The following TDRD9 variants were observed in gnomAD, a reference collection of about 807,000 sequenced individuals.
TDRD9 encodes the protein ATP-dependent RNA helicase TDRD9.
A neutral mutation model predicts 172.6 loss-of-function variants in TDRD9; 124 were observed. The ratio of observed to expected loss-of-function variants is 0.72; its 90% CI spans 0.62 to 0.83. The LOEUF is 0.83. TDRD9 is among the 40% of genes least tolerant of loss of function. The pLI, the probability that TDRD9 is intolerant of heterozygous loss-of-function variation, is 0.00. For missense variants in TDRD9, 1,479 were observed against 1,714.1 expected (o/e 0.86, Z 2.42); for synonymous variants, 619 against 617.1 (o/e 1.00, Z -0.05).
chr14:104,046,177 G>T (rs1050802919), intron 34 of TDRD9, among the ~76,000 whole-genome samples: 3 of 152,142 alleles, frequency 2.0e-5, no homozygotes, highest in African/African-American at 7.2e-5. Flanking sequence ...GAATGATCTC[G>T]ATCTCTTGAC....
At chr14:103,939,733 GAAAAAAA>G (rs2031072481) in intron 1 of TDRD9, 1 of 9,528 alleles carries the variant, frequency 1.0e-4, no homozygotes. Flanking sequence ...TAGTCTTTTT[GAAAAAAA>G]GTGTTTTTTT....
chr14:103,989,064 C>T (rs1457835562), intron 8 of TDRD9, among the ~76,000 whole-genome samples: 1 of 121,972 alleles, frequency 8.2e-6, no homozygotes, highest in African/African-American at 3.2e-5. Context: ...GCTAGATACT[C>T]TCATTTTTTT....
chr14:103,964,990 T>C (rs896374411), intron 3 of TDRD9, among the ~76,000 whole-genome samples: 2 of 151,998 alleles, frequency 1.3e-5, no homozygotes, highest in African/African-American at 2.4e-5. Context: ...GGCGGATCAC[T>C]TGATGTCAGG....
chr14:104,046,191 G>A (rs962613336), intron 34 of TDRD9, among the ~76,000 whole-genome samples: 3 of 152,210 alleles, frequency 2.0e-5, no homozygotes, highest in Non-Finnish European at 4.4e-5. Flanking sequence ...TCTTGACGTC[G>A]TGATCTGCCC....
At chr14:103,930,763 T>TGG (rs2030334743) in intron 1 of TDRD9, among the ~76,000 whole-genome samples, 1 of 152,228 alleles carries the variant, frequency 6.6e-6, no homozygotes, top group Non-Finnish European at 1.5e-5. Context: ...GTCCATCACT[T>TGG]ACTCCTTAGT....
chr14:104,037,147 C>G lies in TDRD9; in HGVS notation c.3716+2091C>G, dbSNP rs2035473983. On this transcript the variant is annotated intron_variant, in intron 32 of 35. Transcript: ENST00000409874. ...TTTCCTTTCACTTTAAATATGCAGT[C>G]TTCTGCAGCGAGCAGGAGGGGGGTC... Among the ~76,000 whole-genome samples the G allele has an allele frequency of 2.0e-5, 3 of 151,950 alleles. No individual in the cohort carries two copies. The South Asian group carries it at 6.2e-4, about 31-fold the overall frequency.
intron 14 of TDRD9, 107 bp from the exon 15 acceptor site, chr14:104,005,167 C>A (rs1323548972): frequency 6.9e-6 from 8 of 1,153,780 alleles, no homozygotes; most frequent in Non-Finnish European, 7.4e-6. Context: ...TCTTTCTTCT[C>A]TCCTCTCCTT....
chr14:104,018,919 C>T (rs559075860), intron 23 of TDRD9, among the ~76,000 whole-genome samples: 15 of 152,236 alleles, frequency 9.9e-5, no homozygotes, highest in East Asian at 3.9e-4. Context: ...TAATTCCCTC[C>T]GGCATTTTAA....
At chr14:104,025,139 G>A (rs1201224069) in intron 25 of TDRD9, among the ~76,000 whole-genome samples, 1 of 152,104 alleles carries the variant, frequency 6.6e-6, no homozygotes, top group Non-Finnish European at 1.5e-5. Context: ...GTGCCACCAT[G>A]CCCGGGTAAT....
intron 13 of TDRD9, among the ~76,000 whole-genome samples, chr14:103,999,381 A>G (rs991992193): frequency 1.3e-5 from 2 of 152,174 alleles, no homozygotes; most frequent in African/African-American, 4.8e-5. Flanking sequence ...ATTTCTGTTT[A>G]ACTTTGATCT....
At chr14:103,978,332 GCACTT>G (rs1287173516) in intron 7 of TDRD9, among the ~76,000 whole-genome samples, 1 of 152,140 alleles carries the variant, frequency 6.6e-6, no homozygotes, top group African/African-American at 2.4e-5. Context: ...TGTAATCTCA[GCACTT>G]TGGGAGGCCA....
rs962450466 is a variant in TDRD9 at position 103,980,380 on chromosome 14, G to A, written c.1011+4827G>A. Among the ~76,000 whole-genome samples, 1 of 152,120 alleles carries A rather than the reference G, an allele frequency of 6.6e-6. No homozygotes were observed. The highest frequency in any genetic ancestry group is 1.5e-5 in the Non-Finnish European group (1 of 68,022). ...TGGGTCACGTGTCGACTGGACAGGG[G>A]GCCCTTCCCTGCCTGGCAGCCAAGG... On this transcript the variant is annotated intron_variant, in intron 7 of 35. Coordinates refer to ENST00000409874, the MANE Select transcript of TDRD9 (RefSeq NM_153046.3). This position sits in a 1 kb window ranked among gnomAD's most constrained non-coding sequence, Gnocchi z 4.5.
intron 1 of TDRD9, among the ~76,000 whole-genome samples, chr14:103,931,954 G>A (rs1051363121): frequency 6.6e-6 from 1 of 152,192 alleles, no homozygotes; most frequent in African/African-American, 2.4e-5. Flanking sequence ...TTGACAGCAG[G>A]TAAGGAAATG....
rs1015973693 is a variant in TDRD9 at position 103,997,486 on chromosome 14, TG to T, written c.1379-1135del. On this transcript the variant is annotated intron_variant, in intron 12 of 35. Transcript: ENST00000409874. This position sits in a 1 kb window ranked among gnomAD's most constrained non-coding sequence, Gnocchi z 5.1. ...GAGCAGGGTGGGGCAGGTGAGGAGC[TG>T]GGATTCGGGCTGAGACGTGCTAGAT... 6.6e-6 allele frequency among the ~76,000 whole-genome samples: 1 copy of T among 152,162 alleles called. No individual in the cohort carries two copies. The highest frequency in any genetic ancestry group is 2.4e-5 in the African/African-American group (1 of 41,518).
At chr14:103,976,038 C>T (rs533630499) in intron 7 of TDRD9, among the ~76,000 whole-genome samples, 1 of 152,012 alleles carries the variant, frequency 6.6e-6, no homozygotes, top group African/African-American at 2.4e-5. Context: ...CTTCCTATTT[C>T]CCCCCCTTCC....
intron 9 of TDRD9, 104 bp from the exon 10 acceptor site, chr14:103,994,228 T>C (rs898865098): frequency 9.5e-6 from 9 of 944,084 alleles, no homozygotes; most frequent in East Asian, 2.4e-5. Flanking sequence ...TCAAATAAAT[T>C]GGTAGGGCCT....
intron 29 of TDRD9, among the ~76,000 whole-genome samples, chr14:104,031,492 T>TA (rs1555375140): frequency 2.6e-4 from 38 of 145,686 alleles, no homozygotes; most frequent in Non-Finnish European, 4.4e-4. Context: ...TTTTTTTTTT[T>TA]AAACCCTCCT....
Position 104,032,099 on chromosome 14 carries a change from T to C in TDRD9, c.3509+12T>C. On this transcript the variant is annotated intron_variant, in intron 30 of 35. Coordinates refer to ENST00000409874, the MANE Select transcript of TDRD9 (RefSeq NM_153046.3). ...ATATCCAAATTCAGGTATGATTAACTTAAGTTTTCCATGAATTTTTTTTCT... is the reference window on the plus strand; with the variant it reads ...ATATCCAAATTCAGGTATGATTAACCTAAGTTTTCCATGAATTTTTTTTCT... 6.6e-7 allele frequency: 1 copy of C among 1,525,584 alleles called. No homozygotes were observed. The highest frequency in any genetic ancestry group is 2.5e-5 in the East Asian group (1 of 40,782). 94.5% of individuals were successfully genotyped at this position (1,525,584 alleles called of 1,614,324 possible).
At chr14:104,041,609 A>T (rs551965164) in intron 33 of TDRD9, among the ~76,000 whole-genome samples, 3 of 152,358 alleles carry the variant, frequency 2.0e-5, no homozygotes, top group African/African-American at 7.2e-5. Context: ...GTCATTAGGA[A>T]AATGCAAATT....
Sources: allele counts gnomAD v4.1 joint callset (sites outside exome capture counted in the v4.1 genomes callset), GRCh38; gene constraint gnomAD v4.1.1; non-coding constraint Gnocchi (gnomAD v3.1); transcripts MANE v1.5; gene names NCBI Gene and HGNC (gene_info 2026-07-23, HGNC 2026-07-21).